Variants in SLC9B2 observed in about 807,000 individuals in gnomAD.
SLC9B2 encodes solute carrier family 9 member B2, also known as sodium/hydrogen exchanger 9B2.
A neutral mutation model predicts 52.2 loss-of-function variants in SLC9B2; 39 were observed. That is an observed-to-expected ratio of 0.75 (90% confidence interval 0.58 to 0.98). The LOEUF is 0.98. Among genes scored for constraint, SLC9B2 ranks in the 50% least tolerant of loss-of-function variants. The pLI is 0.00. For missense variants in SLC9B2, 626 were observed against 637.5 expected, an observed-to-expected ratio of 0.98 and a Z score of 0.19; for synonymous variants, 214 against 227.0, an observed-to-expected ratio of 0.94 and a Z score of 0.51.
chr4:103,065,622 A>G (rs1037403748), intron 3 of SLC9B2: 1 of 152,150 alleles, frequency 6.6e-6, no homozygotes, highest in African/African-American at 2.4e-5. Flanking sequence ...TTTATCACAT[A>G]TTCCCCCAGC....
rs752422929 is a variant in SLC9B2, at chr4:103,023,367, A to T, written c.*3003T>A. On this transcript the variant is annotated 3_prime_UTR_variant, in exon 12 of 12. Transcript: ENST00000394785. ...CATAAGTATGTATAAGGGACCCAAA[A>T]GTTAGAGTAATTGTTTCTATCTGTG... 1.3e-5 allele frequency among the ~76,000 whole-genome samples: 2 copies of T among 152,220 alleles called. No individual in the cohort carries two copies. The highest frequency in any genetic ancestry group is 2.9e-5 in the Non-Finnish European group (2 of 68,028).
chr4:103,028,228 C>A (rs2093644159), intron 11 of SLC9B2, among the ~76,000 whole-genome samples: 1 of 151,988 alleles, frequency 6.6e-6, no homozygotes, highest in Non-Finnish European at 1.5e-5. Context: ...TAATTAATAC[C>A]AACTAATAAT....
chr4:103,064,256 C>T (rs1392882555), intron 3 of SLC9B2, among the ~76,000 whole-genome samples: 1 of 152,158 alleles, frequency 6.6e-6, no homozygotes, highest in Admixed American at 6.5e-5. Context: ...AAGTGTCCAA[C>T]AATGAATGAC....
chr4:103,043,959 C>A (rs969777119), intron 8 of SLC9B2, among the ~76,000 whole-genome samples: 2 of 152,120 alleles, frequency 1.3e-5, no homozygotes, highest in African/African-American at 4.8e-5. Flanking sequence ...AACCAGGAAG[C>A]TTTAAGAGGT....
downstream of SLC9B2, among the ~76,000 whole-genome samples, chr4:103,018,429 A>G (rs1317857451): frequency 1.3e-5 from 2 of 152,252 alleles, no homozygotes; most frequent in African/African-American, 4.8e-5. Flanking sequence ...CTCACAGGGG[A>G]CAATACCTAT....
chr4:103,066,753 A>G (rs1181609821), intron 2 of SLC9B2, among the ~76,000 whole-genome samples: 1 of 152,162 alleles, frequency 6.6e-6, no homozygotes, highest in East Asian at 1.9e-4. Flanking sequence ...CTAAAATCTG[A>G]AATGCTCCAA....
At chr4:103,062,872 A>G (rs899165929) in intron 3 of SLC9B2, among the ~76,000 whole-genome samples, 8 of 152,218 alleles carry the variant, frequency 5.3e-5, no homozygotes, top group South Asian at 2.1e-4. Context: ...GGCCTCCTAA[A>G]GTGCTGGGAT....
intron 9 of SLC9B2, among the ~76,000 whole-genome samples, chr4:103,032,595 C>A (rs1346566564): frequency 6.6e-6 from 1 of 152,246 alleles, no homozygotes; most frequent in East Asian, 1.9e-4. Context: ...CTCTTCCTAG[C>A]AAGATCTTAT....
chr4:103,066,521 A>T lies in SLC9B2; in HGVS notation c.91-14T>A. 1 of 1,601,938 alleles carries T rather than the reference A, an allele frequency of 6.2e-7. No homozygotes were observed. Among genetic ancestry groups the T allele is most frequent in the Non-Finnish European group, 8.5e-7 (1 of 1,175,472 alleles). ...AACTGTCTCCTCCTGTGTTTAAAGT[A>T]ATTTTAAAAATCCTTAAAACTGTAT... On this transcript the variant is annotated splice_polypyrimidine_tract_variant and intron_variant, in intron 2 of 11. Transcript: ENST00000394785.
intron 9 of SLC9B2, among the ~76,000 whole-genome samples, chr4:103,033,225 C>T (rs1578442021): frequency 6.6e-6 from 1 of 152,174 alleles, no homozygotes; most frequent in East Asian, 1.9e-4. Flanking sequence ...ATATCTGTAC[C>T]ATGTGTAACA....
intron 4 of SLC9B2, among the ~76,000 whole-genome samples, chr4:103,051,527 G>C (rs1010196371): frequency 3.3e-5 from 5 of 152,156 alleles, no homozygotes; most frequent in Non-Finnish European, 5.9e-5. Flanking sequence ...CTGTGGCAGT[G>C]GTCTTTCTGG....
intron 9 of SLC9B2, among the ~76,000 whole-genome samples, chr4:103,032,848 G>A (rs1047434127): frequency 6.6e-6 from 1 of 152,160 alleles, no homozygotes; most frequent in African/African-American, 2.4e-5. Flanking sequence ...GCACCACAGC[G>A]ACTTCTCTAG....
Position 103,022,424 on chromosome 4 carries a change from A to G in SLC9B2, c.*3946T>C, listed in dbSNP as rs1560537351. Among the ~76,000 whole-genome samples the G allele has an allele frequency of 6.6e-6, 1 of 152,240 alleles. No homozygotes were observed. The highest frequency in any genetic ancestry group is 1.5e-5 in the Non-Finnish European group (1 of 68,046). On this transcript the variant is annotated 3_prime_UTR_variant, in exon 12 of 12. Transcript: ENST00000394785. The stretch of plus-strand genomic sequence containing the variant: ...ACCCAACAAATTCAGTTGATGATAT[A>G]TCTTTCTGAAAATAATACATCCCCC...
In SLC9B2 at chr4:103,026,313, T is replaced by C; in HGVS notation, c.*57A>G. On this transcript the variant is annotated 3_prime_UTR_variant, in exon 12 of 12. Coordinates refer to ENST00000394785, the MANE Select transcript of SLC9B2 (RefSeq NM_178833.7). ...TAAACATTACATATTTCAATATGCA[T>C]CTTGAAAAAAGTAGCAGCTTTCTAA... 7 of 1,427,272 alleles carry C rather than the reference T, an allele frequency of 4.9e-6. No individual in the cohort carries two copies. The highest frequency in any genetic ancestry group is 5.7e-6 in the Non-Finnish European group (6 of 1,048,180). The allele number at this position is 1,427,272 out of a possible 1,614,324, so 88.4% of individuals were successfully genotyped here. A position where few individuals can be genotyped will look rare whatever the true frequency, so the allele number is the denominator to read the frequency against.
intron 1 of SLC9B2, among the ~76,000 whole-genome samples, chr4:103,072,056 G>GTTTTTTTTTGTTTTTTTTTTT (rs1746690083): frequency 1.0e-5 from 1 of 95,306 alleles, no homozygotes. Context: ...TGGCTTTCAT[G>GTTTTTTTTTGTTTTTTTTTTT]TTTTTTTTTT....
At chr4:103,019,760 A>G (rs1000122566), downstream of SLC9B2, 4 of 985,552 alleles carry the variant, frequency 4.1e-6, no homozygotes, top group African/African-American at 5.2e-5. Flanking sequence ...CAGCGCGTTT[A>G]AGTGACGTCT....
At chr4:103,036,553 A>G (rs1242863446) in intron 9 of SLC9B2, among the ~76,000 whole-genome samples, 2 of 152,186 alleles carry the variant, frequency 1.3e-5, no homozygotes, top group African/African-American at 4.8e-5. Flanking sequence ...TGGGCAAAAC[A>G]TATGCACAAC....
Position 103,067,475 on chromosome 4 carries a change from G to T in SLC9B2, c.76C>A (p.His26Asn), listed in dbSNP as rs1746240591. The change falls in exon 2 of 12, where the codon CAT becomes AAT. Residue 26 changes from histidine (H) to asparagine (N), a missense_variant. His to Asn is a moderately conservative substitution (Grantham distance 68). Transcript: ENST00000394785. The part of the protein sequence containing the change: ...STGMNYTPSM[H>N]QEAQEETVMK... ...CTTAGATTTACCTGTGCTTCTTGAT[G>T]CATGGAGGGCGTGTAATTCATTCCT... 2 of 1,613,024 alleles carry T rather than the reference G, an allele frequency of 1.2e-6. No homozygotes were observed. The highest frequency in any genetic ancestry group is 8.5e-7 in the Non-Finnish European group (1 of 1,179,216).
downstream of SLC9B2, among the ~76,000 whole-genome samples, chr4:103,021,986 A>C (rs1227477937): frequency 6.6e-6 from 1 of 152,178 alleles, no homozygotes; most frequent in Non-Finnish European, 1.5e-5. Context: ...CACTAAAAAC[A>C]CTTTTGAATT....
Sources: gnomAD v4.1 joint callset for allele counts (sites outside exome capture counted in the v4.1 genomes callset) on GRCh38, gnomAD v4.1.1 for gene constraint, MANE v1.5 for transcripts, NCBI Gene and HGNC (gene_info 2026-07-23, HGNC 2026-07-21) for gene names.